Variants in SEMA3A observed in about 807,000 individuals in gnomAD.
The protein encoded by SEMA3A is semaphorin-3A.
SEMA3A carries 29 observed loss-of-function variants against 97.9 expected under a neutral mutation model. The observed-to-expected ratio is 0.30, with a 90% CI of 0.22 to 0.40. The LOEUF (loss-of-function observed/expected upper bound fraction) is 0.40, where lower values mean the gene tolerates loss of function less well. Among genes scored for constraint, SEMA3A ranks in the 10% least tolerant of loss-of-function variants. The probability of loss-of-function intolerance (pLI) is 1.00; values close to 1 mark genes in which losing one functional copy is unlikely to be tolerated. For synonymous variants in SEMA3A, 321 were observed against 323.7 expected (o/e 0.99, Z 0.09); for missense variants, 763 against 951.3 (o/e 0.80, Z 2.60).
chr7:84,024,439 G>A (rs941744864), intron 6 of SEMA3A, among the ~76,000 whole-genome samples: 2 of 151,970 alleles, frequency 1.3e-5, no homozygotes, highest in Non-Finnish European at 2.9e-5. Flanking sequence ...CCAGCTATTC[G>A]GGAGGCTGAG....
chr7:84,387,025 A>G (rs1803416293), intron 1 of SEMA3A, among the ~76,000 whole-genome samples: 1 of 151,930 alleles, frequency 6.6e-6, no homozygotes, highest in East Asian at 1.9e-4. Flanking sequence ...TAATAATAAT[A>G]ATACAGTCAA....
upstream of SEMA3A, among the ~76,000 whole-genome samples, chr7:84,197,032 G>C (rs1279122989): frequency 6.6e-6 from 1 of 151,948 alleles, no homozygotes; most frequent in East Asian, 1.9e-4. Context: ...AGTAAATTTA[G>C]ATAAAAGAGG....
intron 3 of SEMA3A, among the ~76,000 whole-genome samples, chr7:84,212,849 G>C (rs1265796624): frequency 6.6e-6 from 1 of 152,092 alleles, no homozygotes; most frequent in Admixed American, 6.5e-5. Flanking sequence ...GCATATGTGT[G>C]TTTATCAAAA....
intron 3 of SEMA3A, among the ~76,000 whole-genome samples, chr7:84,218,210 T>C (rs1337053903): frequency 6.6e-6 from 1 of 152,138 alleles, no homozygotes; most frequent in African/African-American, 2.4e-5. Context: ...ATTTTTGGTA[T>C]GATTCCTTGA....
intron 5 of SEMA3A, among the ~76,000 whole-genome samples, chr7:84,058,509 A>C (rs1793086957): frequency 6.6e-6 from 1 of 152,204 alleles, no homozygotes; most frequent in African/African-American, 2.4e-5. Context: ...AAAGAAAGCA[A>C]ATAACTTCAA....
chr7:84,063,022 T>A (rs1793312509), intron 4 of SEMA3A, among the ~76,000 whole-genome samples: 2 of 151,940 alleles, frequency 1.3e-5, no homozygotes, highest in South Asian at 2.1e-4. Flanking sequence ...TGGCCCTGTC[T>A]GACAGCTTTG....
chr7:84,179,569 T>G (rs190979480), intron 1 of SEMA3A, among the ~76,000 whole-genome samples: 2 of 152,168 alleles, frequency 1.3e-5, no homozygotes, highest in Non-Finnish European at 2.9e-5. Flanking sequence ...GTTTTACATC[T>G]GAATGATAGA....
In SEMA3A at chr7:84,327,615, C is replaced by T. The variant is rs561104033; in HGVS notation, c.-168-20323G>A. ...TCTCTCAGGATATTGTATATGAGAT[C>T]TTTAAAAAAATCTATAAAATTATGA... On this transcript the variant is annotated intron_variant, in intron 2 of 3. Coordinates refer to the SEMA3A transcript ENST00000424555. Among the ~76,000 whole-genome samples the T allele has an allele frequency of 8.6e-5, 13 of 151,982 alleles. No individual in the cohort carries two copies. In the South Asian group the frequency reaches 2.7e-3, roughly 32 times the overall value.
At chr7:84,354,217 T>G (rs1802502581) in intron 2 of SEMA3A, among the ~76,000 whole-genome samples, 1 of 148,302 alleles carries the variant, frequency 6.7e-6, no homozygotes, top group Admixed American at 6.7e-5. Flanking sequence ...GTATGAAATC[T>G]CTGCTTATTA....
At chr7:84,382,331 T>A (rs1191584442) in intron 1 of SEMA3A, among the ~76,000 whole-genome samples, 2 of 151,842 alleles carry the variant, frequency 1.3e-5, no homozygotes, top group East Asian at 4.0e-4. Context: ...GGTCTGAAAC[T>A]CCTGATCTCA....
intron 2 of SEMA3A, among the ~76,000 whole-genome samples, chr7:84,356,138 C>T (rs1802554758): frequency 6.6e-6 from 1 of 151,692 alleles, no homozygotes; most frequent in East Asian, 1.9e-4. Context: ...TATTGTTTTC[C>T]TTCTGAAAAT....
At chr7:84,462,862 C>T (rs1432045144) in intron 1 of SEMA3A, among the ~76,000 whole-genome samples, 1 of 152,176 alleles carries the variant, frequency 6.6e-6, no homozygotes, top group Non-Finnish European at 1.5e-5. Context: ...GTTCATCTCA[C>T]AAGGTCTCAA....
chr7:84,226,324 C>A lies in SEMA3A; in HGVS notation c.-82-31656G>T, dbSNP rs75851459. On this transcript the variant is annotated intron_variant, in intron 3 of 3. Coordinates refer to the SEMA3A transcript ENST00000424555. ...ATAAGAAAGTCTTAAAATAAAATGT[C>A]TTTAAATGTACAAGTAGAACCCATA... Among the ~76,000 whole-genome samples, 1,939 of 151,946 alleles carry A rather than the reference C, an allele frequency of 0.013. 61 individuals are homozygous for A. The East Asian group carries it at 0.15, about 11-fold the overall frequency.
chr7:84,263,178 G>A (rs1415113401), intron 3 of SEMA3A, among the ~76,000 whole-genome samples: 1 of 151,856 alleles, frequency 6.6e-6, no homozygotes, highest in Non-Finnish European at 1.5e-5. Context: ...TTTTTTAAAT[G>A]TATCCCCAAA....
At chr7:84,013,399 G>C (rs1342983163) in intron 7 of SEMA3A, among the ~76,000 whole-genome samples, 1 of 152,148 alleles carries the variant, frequency 6.6e-6, no homozygotes, top group East Asian at 1.9e-4. Context: ...AAATACCTCA[G>C]ATAGTTAAAG....
At chr7:84,254,868 T>C (rs1233804247) in intron 3 of SEMA3A, among the ~76,000 whole-genome samples, 1 of 152,166 alleles carries the variant, frequency 6.6e-6, no homozygotes, top group Non-Finnish European at 1.5e-5. Flanking sequence ...CCTACACATA[T>C]GAACCAAAAG....
intron 4 of SEMA3A, among the ~76,000 whole-genome samples, chr7:84,083,269 C>G (rs1794221345): frequency 6.6e-6 from 1 of 151,792 alleles, no homozygotes; most frequent in African/African-American, 2.4e-5. Flanking sequence ...ATATCAAATA[C>G]TAATTTGAAA....
chr7:84,450,760 C>T (rs528468146), intron 1 of SEMA3A, among the ~76,000 whole-genome samples: 81 of 152,218 alleles, frequency 5.3e-4, no homozygotes, highest in Admixed American at 9.2e-4. Context: ...TTCCCTAATT[C>T]GTGATGTTGA....
rs1413123537 is a variant in SEMA3A at position 84,472,466 on chromosome 7, T to C, written c.-246+19994A>G. Reference sequence around the variant, plus strand: ...GCTTCGTGCTTCGTATTATATTATGTGTATTGTATTTGTATCATGAAGCTC... The same window carrying C: ...GCTTCGTGCTTCGTATTATATTATGCGTATTGTATTTGTATCATGAAGCTC... On this transcript the variant is annotated intron_variant, in intron 1 of 3. Transcript: ENST00000424555. Among the ~76,000 whole-genome samples the C allele has an allele frequency of 3.3e-5, 5 of 152,180 alleles. No individual in the cohort carries two copies. In the South Asian group the frequency reaches 1.0e-3, roughly 31 times the overall value.
Sources: allele counts gnomAD v4.1 joint callset (sites outside exome capture counted in the v4.1 genomes callset), GRCh38; gene constraint gnomAD v4.1.1; transcripts MANE v1.5; gene names NCBI Gene and HGNC (gene_info 2026-07-23, HGNC 2026-07-21).